CERT1: variants seen among roughly 807,000 people sequenced by gnomAD.
The protein encoded by CERT1 is ceramide transporter 1.
In CERT1, 31 loss-of-function variants were observed where a neutral mutation model predicts 87.9. That is an observed-to-expected ratio of 0.35 (90% CI 0.27 to 0.48). The LOEUF is 0.48. Ranked by LOEUF, CERT1 falls within the 20% of genes least tolerant of loss-of-function variation. The pLI is 0.99. For missense variants in CERT1, 487 were observed against 758.0 expected, an observed-to-expected ratio of 0.64 and a Z score of 4.20; for synonymous variants, 289 against 250.9, an observed-to-expected ratio of 1.15 and a Z score of -1.44.
At chr5:75,497,092 A>AT (rs1379506042) in intron 2 of CERT1, among the ~76,000 whole-genome samples, 2 of 152,148 alleles carry the variant, frequency 1.3e-5, no homozygotes, top group Admixed American at 1.3e-4. Context: ...AGAGTTAACT[A>AT]TTTTTTTAGG....
intron 6 of CERT1, 27 bp from the exon 7 acceptor site, chr5:75,417,060 A>C: frequency 6.8e-7 from 1 of 1,468,132 alleles, no homozygotes; most frequent in South Asian, 1.2e-5. Flanking sequence ...TTCACTGAAA[A>C]TATCTCTAAT....
chr5:75,379,617 T>C, intron 16 of CERT1, 144 bp from the exon 17 acceptor site: 1 of 768,236 alleles, frequency 1.3e-6, no homozygotes, highest in Non-Finnish European at 2.1e-6. Flanking sequence ...GACGGAGTCT[T>C]GCTCTGTTGC....
chr5:75,391,954 C>T (rs1463257461), intron 11 of CERT1, among the ~76,000 whole-genome samples: 2 of 152,140 alleles, frequency 1.3e-5, no homozygotes, highest in Non-Finnish European at 2.9e-5. Flanking sequence ...GAATTTTATT[C>T]TGTTAAAAAA....
At chr5:75,454,199 G>T (rs1486375311) in intron 3 of CERT1, among the ~76,000 whole-genome samples, 1 of 151,998 alleles carries the variant, frequency 6.6e-6, no homozygotes, top group Non-Finnish European at 1.5e-5. Context: ...GGGTGCTGAG[G>T]GTATGGTAAC....
intron 3 of CERT1, among the ~76,000 whole-genome samples, chr5:75,453,847 C>T (rs1338689060): frequency 4.6e-5 from 7 of 151,000 alleles, no homozygotes; most frequent in African/African-American, 7.3e-5. Context: ...AGAGAGAGCA[C>T]GAGTGGAGGG....
intron 2 of CERT1, among the ~76,000 whole-genome samples, chr5:75,459,799 C>T (rs1361930904): frequency 6.6e-6 from 1 of 151,832 alleles, no homozygotes; most frequent in Non-Finnish European, 1.5e-5. Flanking sequence ...CCTGTCTCTA[C>T]TAAAAATACA....
At chr5:75,388,116 T>C (rs1761874832) in intron 12 of CERT1, among the ~76,000 whole-genome samples, 1 of 152,222 alleles carries the variant, frequency 6.6e-6, no homozygotes, top group Non-Finnish European at 1.5e-5. Context: ...TTTGTGATTA[T>C]CCAGCAATGC....
intron 7 of CERT1, among the ~76,000 whole-genome samples, chr5:75,416,625 C>T (rs567886929): frequency 1.9e-4 from 29 of 152,232 alleles, no homozygotes; most frequent in African/African-American, 7.0e-4. Context: ...CAAAGCATTA[C>T]TAACATCATC....
intron 1 of CERT1, 55 bp downstream of exon 1, chr5:75,511,057 T>C (rs1767953745): frequency 6.8e-7 from 1 of 1,470,960 alleles, no homozygotes; most frequent in Admixed American, 2.7e-5. Context: ...CTCAGCGGAT[T>C]GCCTCGCTGC....
At chr5:75,380,906 C>A (rs1045292558) in intron 16 of CERT1, among the ~76,000 whole-genome samples, 166 bp downstream of exon 16, 1 of 151,844 alleles carries the variant, frequency 6.6e-6, no homozygotes, top group East Asian at 1.9e-4. Flanking sequence ...ATTCAGACAT[C>A]TGTACTTTCA....
At chr5:75,392,900 G>A (rs2112045992) in intron 11 of CERT1, among the ~76,000 whole-genome samples, 1 of 148,140 alleles carries the variant, frequency 6.8e-6, no homozygotes, top group Non-Finnish European at 1.5e-5. Context: ...AACCTGCGAG[G>A]CGGAGGTGGC....
chr5:75,484,934 T>A (rs932419970), intron 2 of CERT1, among the ~76,000 whole-genome samples: 2 of 152,114 alleles, frequency 1.3e-5, no homozygotes, highest in African/African-American at 4.8e-5. Flanking sequence ...CCTCAGCACA[T>A]GGATCACTCT....
intron 8 of CERT1, among the ~76,000 whole-genome samples, chr5:75,407,555 G>A (rs1008395387): frequency 1.4e-5 from 2 of 144,732 alleles, no homozygotes; most frequent in African/African-American, 2.5e-5. Context: ...CAAAAAAAAC[G>A]AATAAGAAAA....
At chr5:75,414,502 T>C (rs1370607037) in intron 7 of CERT1, among the ~76,000 whole-genome samples, 2 of 152,190 alleles carry the variant, frequency 1.3e-5, no homozygotes, top group Non-Finnish European at 2.9e-5. Flanking sequence ...CACCTGTGAA[T>C]CTAATAATGT....
chr5:75,407,865 T>G (rs1482692705), intron 8 of CERT1, among the ~76,000 whole-genome samples: 3 of 151,642 alleles, frequency 2.0e-5, no homozygotes, highest in East Asian at 1.9e-4. Flanking sequence ...TCTTTTTTTT[T>G]TTTTTTTGGC....
intron 16 of CERT1, among the ~76,000 whole-genome samples, chr5:75,379,998 G>A (rs1261139453): frequency 2.0e-5 from 3 of 152,130 alleles, no homozygotes; most frequent in Non-Finnish European, 1.5e-5. Flanking sequence ...CTTAGTTCCC[G>A]AAATTACCTG....
chr5:75,442,624 CTTT>C (rs1445636717), intron 3 of CERT1, among the ~76,000 whole-genome samples: 1 of 152,190 alleles, frequency 6.6e-6, no homozygotes, highest in Non-Finnish European at 1.5e-5. Flanking sequence ...TCTTACACTT[CTTT>C]TTATTTTCTA....
chr5:75,384,495 A>C, intron 14 of CERT1, 147 bp downstream of exon 14: 1 of 590,322 alleles, frequency 1.7e-6, no homozygotes, highest in Non-Finnish European at 3.0e-6. Flanking sequence ...ATACCTTTTA[A>C]ATACATGACA....
At chr5:75,448,046 T>A (rs1764628536) in intron 3 of CERT1, among the ~76,000 whole-genome samples, 1 of 152,256 alleles carries the variant, frequency 6.6e-6, no homozygotes, top group Non-Finnish European at 1.5e-5. Flanking sequence ...TTTTAAGACT[T>A]GTAAACATTG....
Sources: gnomAD v4.1 joint callset for allele counts (sites outside exome capture counted in the v4.1 genomes callset) on GRCh38, gnomAD v4.1.1 for gene constraint, MANE v1.5 for transcripts, NCBI Gene and HGNC (gene_info 2026-07-23, HGNC 2026-07-21) for gene names.